RALGAPA1: variants seen among roughly 807,000 people sequenced by gnomAD.
RALGAPA1 encodes the protein ral GTPase-activating protein subunit alpha-1.
Under a neutral mutation model 269.6 loss-of-function variants are expected in RALGAPA1, and 52 were observed. The observed-to-expected ratio is 0.19, with a 90% CI of 0.15 to 0.24. The LOEUF (loss-of-function observed/expected upper bound fraction) is 0.24, where lower values mean the gene tolerates loss of function less well. Ranked by LOEUF, RALGAPA1 falls within the 10% of genes least tolerant of loss-of-function variation. The pLI, the probability that RALGAPA1 is intolerant of heterozygous loss-of-function variation, is 1.00. For synonymous variants in RALGAPA1, 817 were observed against 1,008.3 expected (o/e 0.81, Z 3.60); for missense variants, 1,917 against 3,013.9 (o/e 0.64, Z 8.52).
At chr14:35,695,617 C>T (rs895870574) in intron 17 of RALGAPA1, among the ~76,000 whole-genome samples, 5 of 152,138 alleles carry the variant, frequency 3.3e-5, no homozygotes, top group African/African-American at 1.2e-4. Context: ...TTGAAAGAAA[C>T]TGGGTCTGTA....
At chr14:35,657,666 T>A (rs933412266) in intron 28 of RALGAPA1, among the ~76,000 whole-genome samples, 14 of 149,718 alleles carry the variant, frequency 9.4e-5, no homozygotes, top group African/African-American at 3.5e-4. Flanking sequence ...TTCTTCCACT[T>A]GAGAAGCAAC....
intron 39 of RALGAPA1, among the ~76,000 whole-genome samples, chr14:35,556,121 G>A (rs2055576354): frequency 6.6e-6 from 1 of 152,016 alleles, no homozygotes; most frequent in Non-Finnish European, 1.5e-5. Context: ...TAAACATTCT[G>A]AGGCAATATC....
chr14:35,598,445 G>A (rs1349996791), intron 36 of RALGAPA1, among the ~76,000 whole-genome samples: 1 of 150,420 alleles, frequency 6.6e-6, no homozygotes, highest in Non-Finnish European at 1.5e-5. Flanking sequence ...TTGAGATGGA[G>A]TCTCGCTCTT....
At position 35,668,988 on chromosome 14, in the gene RALGAPA1, C is replaced by T. The variant is rs183914320; in HGVS notation, c.5202+2401G>A. On this transcript the variant is annotated intron_variant, in intron 26 of 41. Transcript: ENST00000680220. The stretch of plus-strand genomic sequence containing the variant: ...AATGGATTATTTGTCATTCCTTGAA[C>T]ACATCTCACTCATGCCTGTTTACCT... 2.6e-3 allele frequency among the ~76,000 whole-genome samples: 394 copies of T among 152,132 alleles called. 2 individuals are homozygous for T. Among genetic ancestry groups the T allele is most frequent in the African/African-American group, 9.1e-3 (377 of 41,496 alleles).
At chr14:35,779,337 G>T (rs2141609714) in intron 1 of RALGAPA1, among the ~76,000 whole-genome samples, 1 of 152,028 alleles carries the variant, frequency 6.6e-6, no homozygotes, top group Non-Finnish European at 1.5e-5. Flanking sequence ...ATCAGCCTGG[G>T]CAACACATTG....
intron 41 of RALGAPA1, among the ~76,000 whole-genome samples, chr14:35,546,922 CTT>C (rs1374063687): frequency 2.0e-5 from 3 of 152,060 alleles, no homozygotes; most frequent in Non-Finnish European, 2.9e-5. Context: ...TTTTGCTACT[CTT>C]AAGAGTAAAT....
At position 35,683,969 on chromosome 14, in the gene RALGAPA1, G is replaced by A. The variant is rs376754471; in HGVS notation, c.4311C>T (p.Thr1437=). The change falls in exon 21 of 42, where the codon ACC becomes ACT. Residue 1437 remains threonine, a synonymous_variant. Coordinates refer to ENST00000680220, the MANE Select transcript of RALGAPA1 (RefSeq NM_001346249.2). ...CAGCAGAGGACGTAACCCCAGTGTC[G>A]GTTCCAAAGCCAAAATCTATAGGAA... ...GRKFDNFGFG[T]DTGVTSSADV... is the part of the protein sequence containing the mutation. 159 of 1,609,202 alleles carry A rather than the reference G, an allele frequency of 9.9e-5. No individual in the cohort carries two copies. Among genetic ancestry groups the A allele is most frequent in the Middle Eastern group, 1.7e-4 (1 of 6,058 alleles).
intron 7 of RALGAPA1, among the ~76,000 whole-genome samples, chr14:35,754,812 T>C (rs982673601): frequency 2.6e-5 from 4 of 152,046 alleles, no homozygotes; most frequent in Non-Finnish European, 4.4e-5. Context: ...AACAAATAAC[T>C]GAATAAACTG....
intron 30 of RALGAPA1, 112 bp downstream of exon 30, chr14:35,654,255 T>A: frequency 4.5e-6 from 5 of 1,108,466 alleles, no homozygotes; most frequent in Non-Finnish European, 6.1e-6. Context: ...TGGGTAGCCA[T>A]TATTTAGCTA....
At chr14:35,768,012 C>T (rs1452534543) in intron 4 of RALGAPA1, among the ~76,000 whole-genome samples, 8 of 152,080 alleles carry the variant, frequency 5.3e-5, no homozygotes, top group Admixed American at 3.9e-4. Context: ...CATGCTCAAG[C>T]GATCCACCTG....
chr14:35,700,811 T>G (rs1193973226), intron 16 of RALGAPA1, among the ~76,000 whole-genome samples: 2 of 152,206 alleles, frequency 1.3e-5, no homozygotes, highest in African/African-American at 2.4e-5. Context: ...AGGTCTTTCT[T>G]AGAAATTTTT....
chr14:35,635,320 T>C, intron 32 of RALGAPA1, 144 bp downstream of exon 32: 1 of 874,646 alleles, frequency 1.1e-6, no homozygotes, highest in Non-Finnish European at 1.6e-6. Flanking sequence ...ACTTTTAAAT[T>C]ACCCTTAGGC....
intron 4 of RALGAPA1, among the ~76,000 whole-genome samples, chr14:35,763,587 A>C (rs1355656851): frequency 1.3e-5 from 2 of 152,104 alleles, no homozygotes; most frequent in Non-Finnish European, 2.9e-5. Flanking sequence ...ATCTATACTT[A>C]TCTATGTAGC....
chr14:35,651,093 T>C (rs939184057), intron 31 of RALGAPA1, among the ~76,000 whole-genome samples: 3 of 151,848 alleles, frequency 2.0e-5, no homozygotes, highest in Admixed American at 6.6e-5. Flanking sequence ...ATAGACATAA[T>C]AACAGGAAAA....
At chr14:35,684,119 T>G in intron 20 of RALGAPA1, 134 bp from the exon 21 acceptor site, 1 of 646,750 alleles carries the variant, frequency 1.5e-6, no homozygotes, top group Non-Finnish European at 2.6e-6. Context: ...CTCAGACAAG[T>G]GTAAATAATC....
At chr14:35,585,765 T>C (rs551597785) in intron 37 of RALGAPA1, among the ~76,000 whole-genome samples, 6 of 152,300 alleles carry the variant, frequency 3.9e-5, no homozygotes, top group Non-Finnish European at 8.8e-5. Flanking sequence ...TGGTTGTAGA[T>C]GTGTGGTTTT....
At chr14:35,690,333 A>T (rs1396815479) in intron 17 of RALGAPA1, among the ~76,000 whole-genome samples, 1 of 152,142 alleles carries the variant, frequency 6.6e-6, no homozygotes, top group Non-Finnish European at 1.5e-5. Flanking sequence ...ATGCTATTAA[A>T]TTTTTCCTAC....
At chr14:35,557,646 T>C (rs531793027) in intron 39 of RALGAPA1, among the ~76,000 whole-genome samples, 30 of 152,184 alleles carry the variant, frequency 2.0e-4, no homozygotes, top group Non-Finnish European at 3.7e-4. Context: ...AGAATGGGCA[T>C]TCAATGAATT....
At chr14:35,680,973 C>T (rs1193348060) in intron 21 of RALGAPA1, among the ~76,000 whole-genome samples, 1 of 152,000 alleles carries the variant, frequency 6.6e-6, no homozygotes, top group South Asian at 2.1e-4. Flanking sequence ...TCCTCTTGAA[C>T]GGTTTTTTTA....
Sources: allele counts gnomAD v4.1 joint callset (sites outside exome capture counted in the v4.1 genomes callset), GRCh38; gene constraint gnomAD v4.1.1; transcripts MANE v1.5; gene names NCBI Gene and HGNC (gene_info 2026-07-23, HGNC 2026-07-21).